The following ULK4 variants were observed in gnomAD, a reference collection of about 807,000 sequenced individuals.
ULK4 encodes inactive serine/threonine-protein kinase ULK4.
In ULK4, 133 loss-of-function variants were observed where a neutral mutation model predicts 160.6. That is an observed-to-expected ratio of 0.83 (90% CI 0.72 to 0.96). ULK4 has a LOEUF of 0.96. Among genes scored for constraint, ULK4 ranks in the 40% least tolerant of loss-of-function variants. The probability of loss-of-function intolerance (pLI) is 0.00; values close to 1 mark genes in which losing one functional copy is unlikely to be tolerated. For missense variants in ULK4, 1,580 were observed against 1,499.5 expected (o/e 1.05, Z -0.89); for synonymous variants, 534 against 539.8 (o/e 0.99, Z 0.15).
intron 31 of ULK4, among the ~76,000 whole-genome samples, chr3:41,577,792 A>G (rs1209577020): frequency 1.3e-5 from 2 of 152,222 alleles, no homozygotes; most frequent in Non-Finnish European, 2.9e-5. Flanking sequence ...TCTCATAATT[A>G]TTTACCTAAA....
At chr3:41,311,380 C>G (rs1463833735) in intron 35 of ULK4, among the ~76,000 whole-genome samples, 1 of 152,004 alleles carries the variant, frequency 6.6e-6, no homozygotes, top group South Asian at 2.1e-4. Flanking sequence ...GGCAGAAAAG[C>G]GTGAAAAGAC....
chr3:41,515,019 CT>C (rs1381724627), intron 32 of ULK4, among the ~76,000 whole-genome samples: 1 of 152,032 alleles, frequency 6.6e-6, no homozygotes, highest in Non-Finnish European at 1.5e-5. Context: ...TGTTGGGAGG[CT>C]GGGGCGGGTA....
chr3:41,642,162 C>T (rs1327087688), intron 30 of ULK4, among the ~76,000 whole-genome samples: 1 of 152,118 alleles, frequency 6.6e-6, no homozygotes, highest in Non-Finnish European at 1.5e-5. Flanking sequence ...GCGTGACCCA[C>T]TGCGCCCAGC....
chr3:41,484,693 C>T (rs1163945890), intron 32 of ULK4, among the ~76,000 whole-genome samples: 2 of 152,066 alleles, frequency 1.3e-5, no homozygotes, highest in Admixed American at 1.3e-4. Context: ...ACCTTATGAT[C>T]CGCCCACCTT....
intron 4 of ULK4, among the ~76,000 whole-genome samples, chr3:41,935,229 T>A (rs138282695): frequency 3.4e-3 from 22 of 6,404 alleles, no homozygotes; most frequent in Non-Finnish European, 0.023. Flanking sequence ...TTTTTTTTTT[T>A]TTTTTTTTTT....
chr3:41,345,921 A>AG (rs1385901168), intron 35 of ULK4, among the ~76,000 whole-genome samples: 1 of 152,044 alleles, frequency 6.6e-6, no homozygotes, highest in Admixed American at 6.6e-5. Context: ...AGGAATTTGC[A>AG]GGGGGGAGGT....
rs1295250725 is a variant in ULK4, at chr3:41,815,336, G to C, written c.1848+4087C>G. Among the ~76,000 whole-genome samples, 4 of 151,906 alleles carry C rather than the reference G, an allele frequency of 2.6e-5. No homozygotes were observed. The East Asian group carries it at 7.7e-4, about 29-fold the overall frequency. ...TGTTCCATCTGTTTTGTATTTCTTC[G>C]TGTCTTTTTTGTTTCTTTTTTTCCT... On this transcript the variant is annotated intron_variant, in intron 19 of 36. Transcript: ENST00000301831.
intron 30 of ULK4, among the ~76,000 whole-genome samples, chr3:41,623,019 G>A (rs1376355096): frequency 6.6e-6 from 1 of 152,138 alleles, no homozygotes; most frequent in East Asian, 1.9e-4. Flanking sequence ...TTAGGGGAAA[G>A]CTACAGTTTG....
Position 41,754,351 on chromosome 3 carries a change from A to G in ULK4, c.2321+10T>C. ...GAAGTTACTGATGAAACCATCAGAGAAAATCTTACCTTGCTTGGCAACTGA... is the reference window on the plus strand; with the variant it reads ...GAAGTTACTGATGAAACCATCAGAGGAAATCTTACCTTGCTTGGCAACTGA... On this transcript the variant is annotated intron_variant, in intron 22 of 36. Coordinates refer to ENST00000301831, the MANE Select transcript of ULK4 (RefSeq NM_017886.4). 6.2e-7 allele frequency: 1 copy of G among 1,607,854 alleles called. No homozygotes were observed. Among genetic ancestry groups the G allele is most frequent in the Non-Finnish European group, 8.5e-7 (1 of 1,177,952 alleles).
Position 41,739,152 on chromosome 3 carries a change from A to G in ULK4, c.2321+15209T>C, listed in dbSNP as rs192620046. 3.1e-4 allele frequency among the ~76,000 whole-genome samples: 47 copies of G among 152,122 alleles called. 1 individual carries two copies. In the East Asian group the frequency reaches 4.2e-3, roughly 14 times the overall value. ...GGGTCACCAAGCCACTACGTTAAGT[A>G]TGCAAAGCAGTAAACCATCATCAAA... is the stretch of plus-strand genomic sequence containing the variant. On this transcript the variant is annotated intron_variant, in intron 22 of 36. Transcript: ENST00000301831.
chr3:41,546,767 TAAAAAA>T (rs1158675738), intron 32 of ULK4, among the ~76,000 whole-genome samples: 4 of 32,538 alleles, frequency 1.2e-4, no homozygotes, highest in African/African-American at 3.5e-4. Flanking sequence ...CCTAGGCCCT[TAAAAAA>T]AAAAAAAAAA....
At chr3:41,666,296 C>G (rs577938278) in intron 29 of ULK4, among the ~76,000 whole-genome samples, 2 of 152,192 alleles carry the variant, frequency 1.3e-5, no homozygotes, top group Non-Finnish European at 2.9e-5. Flanking sequence ...AATTATCAGG[C>G]ATGGCTCAAG....
At chr3:41,445,065 C>G (rs958804427) in intron 34 of ULK4, among the ~76,000 whole-genome samples, 5 of 152,164 alleles carry the variant, frequency 3.3e-5, no homozygotes, top group Non-Finnish European at 7.3e-5. Context: ...CACAAGCATT[C>G]TTATACACCA....
chr3:41,481,886 T>G (rs1376409054), intron 32 of ULK4, among the ~76,000 whole-genome samples: 2 of 151,852 alleles, frequency 1.3e-5, no homozygotes, highest in Non-Finnish European at 2.9e-5. Flanking sequence ...AAGATAATAT[T>G]GATTTTTGCA....
chr3:41,424,831 CAAAAAAAAAAAAA>C (rs36097613), intron 34 of ULK4, among the ~76,000 whole-genome samples: 2 of 62,402 alleles, frequency 3.2e-5, no homozygotes, highest in Admixed American at 1.9e-4. Context: ...AAGAAATCAT[CAAAAAAAAAAAAA>C]AAAAAAAAAA....
intron 22 of ULK4, among the ~76,000 whole-genome samples, chr3:41,726,526 A>C (rs1179126862): frequency 6.6e-6 from 1 of 152,262 alleles, no homozygotes; most frequent in Admixed American, 6.5e-5. Flanking sequence ...TCAGTGTTCT[A>C]CAAGGGTATA....
chr3:41,572,253 G>C (rs562164768), intron 31 of ULK4, among the ~76,000 whole-genome samples: 1 of 152,244 alleles, frequency 6.6e-6, no homozygotes, highest in East Asian at 1.9e-4. Context: ...ACCCAGGCCA[G>C]TGAGCACACT....
At chr3:41,515,256 CA>C (rs1435795725) in intron 32 of ULK4, among the ~76,000 whole-genome samples, 3 of 142,414 alleles carry the variant, frequency 2.1e-5, no homozygotes, top group East Asian at 2.0e-4. Flanking sequence ...GACTCCATCT[CA>C]AAAAAAAAGA....
intron 35 of ULK4, among the ~76,000 whole-genome samples, chr3:41,268,692 G>C (rs1189833930): frequency 6.6e-6 from 1 of 151,830 alleles, no homozygotes; most frequent in East Asian, 1.9e-4. Flanking sequence ...TGCAGTTCCA[G>C]CTACTCGGGA....
Sources: gnomAD v4.1 joint callset for allele counts (sites outside exome capture counted in the v4.1 genomes callset) on GRCh38, gnomAD v4.1.1 for gene constraint, MANE v1.5 for transcripts, NCBI Gene and HGNC (gene_info 2026-07-23, HGNC 2026-07-21) for gene names.